AHNAK: variants seen among roughly 807,000 people sequenced by gnomAD.
The protein encoded by AHNAK is neuroblast differentiation-associated protein AHNAK.
In AHNAK, 23 loss-of-function variants were observed where a neutral mutation model predicts 37.8. The observed-to-expected ratio is 0.61, with a 90% CI of 0.44 to 0.86. The LOEUF is 0.86. Ranked by LOEUF, AHNAK falls within the 40% of genes least tolerant of loss-of-function variation. The pLI, the probability that AHNAK is intolerant of heterozygous loss-of-function variation, is 0.00. For synonymous variants in AHNAK, 2,481 were observed against 2,636.3 expected (o/e 0.94, Z 1.80); for missense variants, 7,411 against 7,319.4 (o/e 1.01, Z -0.46).
chr11:62,543,622 A>C (rs1429284804), intron 1 of AHNAK, among the ~76,000 whole-genome samples: 2 of 152,168 alleles, frequency 1.3e-5, no homozygotes, highest in African/African-American at 4.8e-5. Flanking sequence ...CTTGTGGCCC[A>C]CCCACGTGCC....
At position 62,520,656 on chromosome 11, in the gene AHNAK, G is replaced by A. The variant is rs929273693; in HGVS notation, c.13761C>T (p.His4587=). 7 of 1,614,072 alleles carry A rather than the reference G, an allele frequency of 4.3e-6. No individual in the cohort carries two copies. Among genetic ancestry groups the A allele is most frequent in the Non-Finnish European group, 5.1e-6 (6 of 1,179,998 alleles). The change falls in exon 5 of 5, where the codon CAC becomes CAT. Residue 4587 remains histidine (H), a synonymous_variant. Transcript: ENST00000378024. ...GCATAGAGATCTTCGGTGCCTTGAGGTGTAAGTCAGGCATTTTAAATTTGG... is the reference window on the plus strand; with the variant it reads ...GCATAGAGATCTTCGGTGCCTTGAGATGTAAGTCAGGCATTTTAAATTTGG... The part of the protein sequence containing the change: ...KGPKFKMPDL[H]LKAPKISMPE...
Position 62,433,993 on chromosome 11 carries a change from C to T in AHNAK, c.443-102G>A, listed in dbSNP as rs535353676. The T allele has an allele frequency of 2.5e-5, 35 of 1,423,910 alleles. No homozygotes were observed. The African/African-American group carries it at 4.0e-4, about 16-fold the overall frequency. The allele number at this position is 1,423,910 out of a possible 1,614,324, so 88.2% of individuals were successfully genotyped here. A position where few individuals can be genotyped will look rare whatever the true frequency, so the allele number is the denominator to read the frequency against. On this transcript the variant is annotated intron_variant, in intron 5 of 5. Coordinates refer to the AHNAK transcript ENST00000257247. ...AACTTTGCACCAACTGAAAGAAGGT[C>T]CCCCCACTCCTTGCTAGGGCATCCA... is the stretch of plus-strand genomic sequence containing the variant.
chr11:62,517,019 C>A lies in AHNAK; in HGVS notation c.17398G>T (p.Glu5800Ter). ...AGAGACACTTCCCCACCTTCAAACT[C>A]CAGCGTCCCCGTCGGGGTGGAAGGT... The part of the protein sequence containing the change: ...SGPSTPTGTL[E>*]FEGGEVSLEG... The change falls in exon 5 of 5, where the codon GAG becomes TAG. Residue 5800 changes from glutamate to a stop codon, truncating the protein, a stop_gained. Transcript: ENST00000378024. LOFTEE classifies it high-confidence loss of function. 1 of 1,614,228 alleles carries A rather than the reference C, an allele frequency of 6.2e-7. No homozygotes were observed. Among genetic ancestry groups the A allele is most frequent in the Non-Finnish European group, 8.5e-7 (1 of 1,180,032 alleles).
At position 62,529,527 on chromosome 11, in the gene AHNAK, TTCAATA is replaced by T. The variant is rs1025757074; in HGVS notation, c.4884_4889del (p.Asp1628_Ile1629del). On this transcript the variant is annotated inframe_deletion, in exon 5 of 5. Coordinates refer to ENST00000378024, the MANE Select transcript of AHNAK (RefSeq NM_001620.3). ...GGCCCTTCAACTTCCCTTCTGGACC[TTCAATA>T]TCAATATCACCAACATTCACATCCA... The T allele has an allele frequency of 1.2e-6, 2 of 1,614,014 alleles. No homozygotes were observed. The highest frequency in any genetic ancestry group is 2.7e-5 in the African/African-American group (2 of 74,894).
chr11:62,519,929 C>A lies in AHNAK; in HGVS notation c.14488G>T (p.Ala4830Ser), dbSNP rs543343312. 6.2e-7 allele frequency: 1 copy of A among 1,613,524 alleles called. No individual in the cohort carries two copies. The highest frequency in any genetic ancestry group is 8.5e-7 in the Non-Finnish European group (1 of 1,179,926). The change falls in exon 5 of 5, where the codon GCA (alanine) becomes TCA (serine). Residue 4830 changes from alanine to serine, a missense_variant. Ala to Ser is a moderately conservative substitution (Grantham distance 99). Coordinates refer to ENST00000378024, the MANE Select transcript of AHNAK (RefSeq NM_001620.3). ...TTGAACTTGGGGCCCTTCAGTTTTG[C>A]GTCTGGACCTTCGATATTCACATCT... ...IPDVNIEGPDAKLKGPKFKMP... is the reference protein window; with the variant it reads ...IPDVNIEGPDSKLKGPKFKMP...
Position 62,531,383 on chromosome 11 carries a change from T to C in AHNAK, c.3034A>G (p.Lys1012Glu). Residue 1012 changes from lysine (K) to glutamate (E), a missense_variant, in exon 5 of 5, where the codon AAA becomes GAA. Coordinates refer to ENST00000378024, the MANE Select transcript of AHNAK (RefSeq NM_001620.3). Reference sequence around the variant, plus strand: ...ACATCAAATTCTGGCCCCTCTCCTTTGAGGCTGGGCATGCTAAATTTGGGC... The same window carrying C: ...ACATCAAATTCTGGCCCCTCTCCTTCGAGGCTGGGCATGCTAAATTTGGGC... ...KMPKFSMPSLKGEGPEFDVNL... is the reference protein window; with the variant it reads ...KMPKFSMPSLEGEGPEFDVNL... 2 of 1,614,162 alleles carry C rather than the reference T, an allele frequency of 1.2e-6. No homozygotes were observed. Among genetic ancestry groups the C allele is most frequent in the Non-Finnish European group, 1.7e-6 (2 of 1,180,008 alleles).
intron 5 of AHNAK, among the ~76,000 whole-genome samples, chr11:62,470,257 C>G (rs1939005504): frequency 6.6e-6 from 1 of 152,164 alleles, no homozygotes; most frequent in South Asian, 2.1e-4. Context: ...ACCAGCCTGA[C>G]CAACATGGTG....
Position 62,528,587 on chromosome 11 carries a change from C to T in AHNAK, c.5830G>A (p.Val1944Met). The T allele has an allele frequency of 6.2e-7, 1 of 1,610,934 alleles. No homozygotes were observed. The highest frequency in any genetic ancestry group is 8.5e-7 in the Non-Finnish European group (1 of 1,179,286). ...GTTAAATCTCCCTCCAATTTTGGCACCGACACATCCACATCCCCTTTGACT... is the reference window on the plus strand; with the variant it reads ...GTTAAATCTCCCTCCAATTTTGGCATCGACACATCCACATCCCCTTTGACT... ...PKVKGDVDVS[V>M]PKLEGDLTGP... is the part of the protein sequence containing the mutation. The change falls in exon 5 of 5, where the codon GTG (valine) becomes ATG (methionine). Residue 1944 changes from valine (V) to methionine (M), a missense_variant. Transcript: ENST00000378024.
Position 62,530,238 on chromosome 11 carries a change from G to T in AHNAK, c.4179C>A (p.Pro1393=), listed in dbSNP as rs188803963. The part of the protein sequence containing the change: ...PKVKMPKFSM[P]GFKGEGPEVD... The stretch of plus-strand genomic sequence containing the variant: ...CTTCAGGGCCCTCTCCTTTGAAGCC[G>T]GGCATGCTGAACTTGGGCATTTTCA... The change falls in exon 5 of 5, where the codon CCC becomes CCA. Residue 1393 remains proline (P), a synonymous_variant. Coordinates refer to ENST00000378024, the MANE Select transcript of AHNAK (RefSeq NM_001620.3). 6.4e-7 allele frequency: 1 copy of T among 1,552,416 alleles called. No homozygotes were observed. The highest frequency in any genetic ancestry group is 8.7e-7 in the Non-Finnish European group (1 of 1,149,222).
intron 4 of AHNAK, among the ~76,000 whole-genome samples, chr11:62,495,650 A>G (rs1362770699): frequency 6.6e-6 from 1 of 151,794 alleles, no homozygotes; most frequent in African/African-American, 2.4e-5. Flanking sequence ...GAGGTAGGAG[A>G]ATCACTTGAA....
rs1339295972 is a variant in AHNAK, at chr11:62,524,931, G to A, written c.9486C>T (p.Gly3162=). The A allele has an allele frequency of 6.2e-7, 1 of 1,613,888 alleles. No individual in the cohort carries two copies. Among genetic ancestry groups the A allele is most frequent in the Non-Finnish European group, 8.5e-7 (1 of 1,179,988 alleles). The change falls in exon 5 of 5, where the codon GGC becomes GGT. Residue 3162 remains glycine (G), a synonymous_variant. Coordinates refer to ENST00000378024, the MANE Select transcript of AHNAK (RefSeq NM_001620.3). The part of the protein sequence containing the change: ...KIKMPKISMP[G]FKGEGPEVDV... ...CCACTTCTGGACCTTCTCCTTTGAAGCCAGGCATGCTGATCTTGGGCATTT... is the reference window on the plus strand; with the variant it reads ...CCACTTCTGGACCTTCTCCTTTGAAACCAGGCATGCTGATCTTGGGCATTT...
intron 5 of AHNAK, among the ~76,000 whole-genome samples, chr11:62,478,620 C>T (rs950716436): frequency 1.3e-4 from 20 of 151,852 alleles, no homozygotes; most frequent in African/African-American, 1.9e-4. Context: ...TGGTGGCACA[C>T]GCCTGTGGTC....
intron 1 of AHNAK, among the ~76,000 whole-genome samples, chr11:62,546,329 G>A (rs1349758728): frequency 6.6e-6 from 1 of 152,268 alleles, no homozygotes; most frequent in Non-Finnish European, 1.5e-5. Context: ...GGGAGAGGAG[G>A]TGGGACAGAG....
intron 5 of AHNAK, among the ~76,000 whole-genome samples, chr11:62,464,927 C>T (rs1164795749): frequency 6.6e-6 from 1 of 152,154 alleles, no homozygotes; most frequent in African/African-American, 2.4e-5. Flanking sequence ...TAAGGTGTTT[C>T]CTTGTGGAGC....
At position 62,523,241 on chromosome 11, in the gene AHNAK, C is replaced by G; in HGVS notation, c.11176G>C (p.Gly3726Arg). Residue 3726 changes from glycine (G) to arginine (R), a missense_variant, in exon 5 of 5, where the codon GGT becomes CGT. Coordinates refer to ENST00000378024, the MANE Select transcript of AHNAK (RefSeq NM_001620.3). Reference protein sequence around the residue: ...TPDINIEGSEGKFKGPKFKIP... With the variant: ...TPDINIEGSERKFKGPKFKIP... The stretch of plus-strand genomic sequence containing the variant: ...TTAAATTTGGGTCCCTTGAATTTAC[C>G]CTCTGAGCCTTCGATGTTAATGTCA... The G allele has an allele frequency of 6.2e-7, 1 of 1,612,760 alleles. No individual in the cohort carries two copies. Among genetic ancestry groups the G allele is most frequent in the Non-Finnish European group, 8.5e-7 (1 of 1,179,636 alleles).
In AHNAK at chr11:62,509,786, C is replaced by T. The variant is rs546147292; in HGVS notation, c.343-17955G>A. Among the ~76,000 whole-genome samples, 7 of 152,032 alleles carry T rather than the reference C, an allele frequency of 4.6e-5. No individual in the cohort carries two copies. In the East Asian group the frequency reaches 1.2e-3, roughly 26 times the overall value. On this transcript the variant is annotated intron_variant, in intron 4 of 5. Coordinates refer to the AHNAK transcript ENST00000257247. ...TACAAAAATTAGCCAGGTGTGGTGG[C>T]GGGCGCTAGTAATCCCAGCCACTCA...
intron 5 of AHNAK, among the ~76,000 whole-genome samples, chr11:62,484,501 A>G (rs1939349168): frequency 6.6e-6 from 1 of 152,336 alleles, no homozygotes; most frequent in South Asian, 2.1e-4. Context: ...TATAAGGGGA[A>G]GACTTTGTCA....
intron 5 of AHNAK, among the ~76,000 whole-genome samples, chr11:62,473,193 G>A (rs187917743): frequency 6.8e-6 from 1 of 147,706 alleles, no homozygotes; most frequent in Non-Finnish European, 1.5e-5. Context: ...TCAGGAGTTC[G>A]AGACCAGCCT....
At chr11:62,487,717 A>G (rs1939420820) in intron 5 of AHNAK, among the ~76,000 whole-genome samples, 1 of 152,222 alleles carries the variant, frequency 6.6e-6, no homozygotes, top group South Asian at 2.1e-4. Context: ...ATTTACCAAA[A>G]TGACCCTGTA....
Sources: allele counts gnomAD v4.1 joint callset (sites outside exome capture counted in the v4.1 genomes callset), GRCh38; gene constraint gnomAD v4.1.1; transcripts MANE v1.5; gene names NCBI Gene and HGNC (gene_info 2026-07-23, HGNC 2026-07-21).